Variants in BCKDHB observed in about 807,000 individuals in gnomAD.
BCKDHB encodes the protein branched chain keto acid dehydrogenase E1 subunit beta.
In BCKDHB, 41 loss-of-function variants were observed where a neutral mutation model predicts 48.5. The observed-to-expected ratio is 0.85, with a 90% CI of 0.66 to 1.10. The LOEUF (loss-of-function observed/expected upper bound fraction) is 1.10. Ranked by LOEUF, BCKDHB falls within the 50% of genes least tolerant of loss-of-function variation. BCKDHB has a pLI of 0.00. For synonymous variants in BCKDHB, 201 were observed against 174.8 expected (o/e 1.15, Z -1.18); for missense variants, 496 against 494.2 (o/e 1.00, Z -0.03).
At chr6:80,248,115 A>G (rs956379362) in intron 8 of BCKDHB, among the ~76,000 whole-genome samples, 1 of 152,090 alleles carries the variant, frequency 6.6e-6, no homozygotes, top group Non-Finnish European at 1.5e-5. Flanking sequence ...TTTCTCCCTT[A>G]TCTAGTTTTC....
At chr6:80,239,717 A>G (rs1411754484) in intron 8 of BCKDHB, among the ~76,000 whole-genome samples, 3 of 152,126 alleles carry the variant, frequency 2.0e-5, no homozygotes, top group Admixed American at 6.6e-5. Context: ...GTTTTCTTCT[A>G]GGGTTTTTAT....
chr6:80,422,404 G>GGAAAAGGT, the BCKDHB span, among the ~76,000 whole-genome samples: 5 of 152,192 alleles, frequency 3.3e-5, no homozygotes, highest in Non-Finnish European at 7.3e-5. Flanking sequence ...CAATGCAGAG[G>GGAAAAGGT]GAAAAGGTGG....
Position 80,106,868 on chromosome 6 carries a change from G to T in BCKDHB, c.175G>T (p.Asp59Tyr). 1 of 1,609,196 alleles carries T rather than the reference G, an allele frequency of 6.2e-7. No homozygotes were observed. The highest frequency in any genetic ancestry group is 2.2e-5 in the East Asian group (1 of 44,754). The change falls in exon 1 of 10, where the codon GAT becomes TAT. Residue 59 changes from aspartate to tyrosine, a missense_variant. Transcript: ENST00000320393. ...RQVAHFTFQP[D>Y]PEPREYGQTQ... ...GGTGGCTCATTTTACTTTCCAGCCA[G>T]ATCCGGAGCCCCGGGAGTACGGTGA...
At chr6:80,404,184 G>T in the BCKDHB span, among the ~76,000 whole-genome samples, 2 of 152,080 alleles carry the variant, frequency 1.3e-5, no homozygotes, top group Admixed American at 1.3e-4. Context: ...GAACTCAACT[G>T]TGAAGCCAAC....
At chr6:80,288,484 G>A (rs929201858) in intron 9 of BCKDHB, among the ~76,000 whole-genome samples, 2 of 152,014 alleles carry the variant, frequency 1.3e-5, no homozygotes, top group Admixed American at 6.6e-5. Context: ...AGCCCATTTG[G>A]CAAGATCAGG....
intron 6 of BCKDHB, among the ~76,000 whole-genome samples, chr6:80,188,341 T>C (rs185117910): frequency 1.3e-5 from 2 of 152,106 alleles, no homozygotes; most frequent in African/African-American, 2.4e-5. Context: ...CAACAGACAC[T>C]GGGGATCTAC....
the BCKDHB span, among the ~76,000 whole-genome samples, chr6:80,407,096 C>G: frequency 2.0e-5 from 3 of 152,112 alleles, no homozygotes; most frequent in Non-Finnish European, 2.9e-5. Flanking sequence ...TTCCCAGTAC[C>G]ATTTATTAAA....
downstream of BCKDHB, among the ~76,000 whole-genome samples, chr6:80,349,171 A>G (rs2128024359): frequency 1.3e-5 from 2 of 152,372 alleles, no homozygotes; most frequent in Admixed American, 1.3e-4. Flanking sequence ...CTTCATCTTT[A>G]GGAAAGAAGA....
chr6:80,209,041 G>A (rs1467462327), intron 8 of BCKDHB, among the ~76,000 whole-genome samples: 1 of 151,870 alleles, frequency 6.6e-6, no homozygotes, highest in Non-Finnish European at 1.5e-5. Flanking sequence ...AATTCCTCAT[G>A]TTAACAGAAA....
the BCKDHB span, among the ~76,000 whole-genome samples, chr6:80,436,000 C>G: frequency 1.1e-4 from 16 of 152,224 alleles, no homozygotes; most frequent in African/African-American, 3.9e-4. Flanking sequence ...TACAACATCT[C>G]TCAGGCCCAG....
At chr6:80,458,555 C>T in the BCKDHB span, among the ~76,000 whole-genome samples, 2,943 of 152,274 alleles carry the variant, frequency 0.019, 82 homozygotes, top group African/African-American at 0.067. Flanking sequence ...TCAGTGAATA[C>T]GTGTGACACC....
intron 1 of BCKDHB, among the ~76,000 whole-genome samples, chr6:80,109,710 T>C (rs897951484): frequency 7.9e-5 from 12 of 152,230 alleles, no homozygotes; most frequent in African/African-American, 2.9e-4. Flanking sequence ...TACATATTTT[T>C]AAAAGTATAC....
At chr6:80,280,752 A>G (rs1471710084) in intron 9 of BCKDHB, among the ~76,000 whole-genome samples, 1 of 152,204 alleles carries the variant, frequency 6.6e-6, no homozygotes, top group Non-Finnish European at 1.5e-5. Context: ...CTTGTGACTC[A>G]TTACTGTATG....
chr6:80,447,810 C>T, the BCKDHB span, among the ~76,000 whole-genome samples: 1 of 152,106 alleles, frequency 6.6e-6, no homozygotes, highest in Non-Finnish European at 1.5e-5. Context: ...ACTAGGCACT[C>T]TCTGTTCAAT....
the BCKDHB span, among the ~76,000 whole-genome samples, chr6:80,368,877 G>T: frequency 2.0e-5 from 3 of 152,046 alleles, no homozygotes; most frequent in African/African-American, 7.2e-5. Flanking sequence ...GCCAGGCGTG[G>T]TGGCTCGTGC....
chr6:80,316,607 C>T (rs1768459025), intron 9 of BCKDHB, among the ~76,000 whole-genome samples: 1 of 152,086 alleles, frequency 6.6e-6, no homozygotes, highest in African/African-American at 2.4e-5. Flanking sequence ...AGGTACTTCC[C>T]ACAAGGAATT....
At chr6:80,196,176 T>G (rs1774120245) in intron 6 of BCKDHB, among the ~76,000 whole-genome samples, 1 of 152,194 alleles carries the variant, frequency 6.6e-6, no homozygotes, top group African/African-American at 2.4e-5. Context: ...TCAGAAGGAT[T>G]GGAAAGTGCT....
chr6:80,126,100 T>C (rs1236085793), intron 1 of BCKDHB, among the ~76,000 whole-genome samples: 1 of 152,158 alleles, frequency 6.6e-6, no homozygotes, highest in Non-Finnish European at 1.5e-5. Context: ...CCATAAGTGA[T>C]ATAAAATAAT....
chr6:80,398,532 A>G, the BCKDHB span, among the ~76,000 whole-genome samples: 1 of 152,138 alleles, frequency 6.6e-6, no homozygotes, highest in Non-Finnish European at 1.5e-5. Flanking sequence ...CCAGGAAGAT[A>G]CTAATTCCAT....
Sources: gnomAD v4.1 joint callset for allele counts (sites outside exome capture counted in the v4.1 genomes callset) on GRCh38, gnomAD v4.1.1 for gene constraint, MANE v1.5 for transcripts, NCBI Gene and HGNC (gene_info 2026-07-23, HGNC 2026-07-21) for gene names.